The following HYDIN variants were observed in gnomAD, a reference collection of about 807,000 sequenced individuals.
The protein encoded by HYDIN is HYDIN axonemal central pair apparatus protein.
Under a neutral mutation model 403.9 loss-of-function variants are expected in HYDIN, and 132 were observed. That is an observed-to-expected ratio of 0.33 (90% CI 0.28 to 0.38). HYDIN has a LOEUF of 0.38. Ranked by LOEUF, HYDIN falls within the 10% of genes least tolerant of loss-of-function variation. HYDIN has a pLI of 1.00. For missense variants in HYDIN, 2,827 were observed against 5,009.5 expected (o/e 0.56, Z 13.15); for synonymous variants, 1,202 against 1,891.7 (o/e 0.64, Z 9.46).
intron 10 of HYDIN, among the ~76,000 whole-genome samples, chr16:71,100,559 G>C (rs575302336): frequency 6.6e-6 from 1 of 152,174 alleles, no homozygotes; most frequent in African/African-American, 2.4e-5. Context: ...AATGACAAAG[G>C]AAACAGAAGA....
chr16:70,950,440 T>A (rs1328484101), intron 41 of HYDIN, among the ~76,000 whole-genome samples: 1 of 151,798 alleles, frequency 6.6e-6, no homozygotes, highest in Non-Finnish European at 1.5e-5. Flanking sequence ...TTATTTTTAG[T>A]AGAGACGGGG....
chr16:71,021,014 T>G (rs2080468778), intron 21 of HYDIN, among the ~76,000 whole-genome samples: 1 of 150,944 alleles, frequency 6.6e-6, no homozygotes, highest in African/African-American at 2.4e-5. Context: ...AGTTATATCT[T>G]ATGCATAAAT....
intron 14 of HYDIN, among the ~76,000 whole-genome samples, chr16:71,067,654 C>T (rs2144296453): frequency 6.6e-6 from 1 of 152,064 alleles, no homozygotes; most frequent in Admixed American, 6.6e-5. Context: ...AGCCACATAC[C>T]TGCATAAGGG....
At chr16:71,206,088 C>G (rs2088284006) in intron 1 of HYDIN, among the ~76,000 whole-genome samples, 2 of 152,196 alleles carry the variant, frequency 1.3e-5, no homozygotes, top group South Asian at 4.1e-4. Context: ...ACCCCAAAGG[C>G]CCATAGCCAG....
intron 18 of HYDIN, among the ~76,000 whole-genome samples, chr16:71,053,745 G>A (rs2144242186): frequency 6.7e-6 from 1 of 149,438 alleles, no homozygotes; most frequent in South Asian, 2.1e-4. Flanking sequence ...CTGGCAAGGA[G>A]AATCTATGGA....
At chr16:71,068,409 T>A (rs999760797) in intron 14 of HYDIN, among the ~76,000 whole-genome samples, 2 of 152,064 alleles carry the variant, frequency 1.3e-5, no homozygotes, top group Non-Finnish European at 2.9e-5. Context: ...CTTTTCTAAA[T>A]ATAAAGGAAA....
At chr16:70,810,111 T>A (rs575178799) in intron 84 of HYDIN, 104 bp from the exon 85 acceptor site, 2 of 1,023,302 alleles carry the variant, frequency 2.0e-6, no homozygotes, top group Admixed American at 3.6e-5. Context: ...GCAGAAATAG[T>A]GCACATGATC....
chr16:71,223,735 T>C (rs778271698), intron 1 of HYDIN, among the ~76,000 whole-genome samples: 5 of 152,008 alleles, frequency 3.3e-5, no homozygotes, highest in Non-Finnish European at 5.9e-5. Context: ...AAAATGCTCA[T>C]CAGTAGTTGT....
intron 75 of HYDIN, among the ~76,000 whole-genome samples, chr16:70,844,231 G>T (rs898142474): frequency 7.5e-6 from 1 of 132,660 alleles, no homozygotes; most frequent in South Asian, 2.2e-4. Flanking sequence ...TAAGGTGTAA[G>T]GAAAGGATCC....
intron 1 of HYDIN, among the ~76,000 whole-genome samples, chr16:71,220,042 C>T (rs1406948432): frequency 6.6e-6 from 1 of 152,114 alleles, no homozygotes; most frequent in African/African-American, 2.4e-5. Flanking sequence ...CCAGGTCCTA[C>T]TGGAAATCTG....
chr16:71,212,313 T>C (rs1373766950), intron 1 of HYDIN, among the ~76,000 whole-genome samples: 2 of 152,194 alleles, frequency 1.3e-5, no homozygotes, highest in Non-Finnish European at 2.9e-5. Flanking sequence ...GATATCTCCC[T>C]TACCTAAGTC....
intron 21 of HYDIN, 38 bp from the exon 22 acceptor site, chr16:71,020,355 G>A: frequency 6.3e-7 from 1 of 1,594,822 alleles, no homozygotes; most frequent in Non-Finnish European, 8.5e-7. Flanking sequence ...ATCAACTTAT[G>A]GTAAATACAG....
chr16:70,822,706 C>T (rs187302369), intron 83 of HYDIN, among the ~76,000 whole-genome samples: 6 of 152,176 alleles, frequency 3.9e-5, no homozygotes, highest in Non-Finnish European at 8.8e-5. Context: ...GTAACCACCA[C>T]CCTCATCAGT....
At chr16:70,906,204 C>T (rs1484102627) in intron 50 of HYDIN, among the ~76,000 whole-genome samples, 1 of 152,096 alleles carries the variant, frequency 6.6e-6, no homozygotes, top group African/African-American at 2.4e-5. Flanking sequence ...CCTGTGGGTC[C>T]CCAATTCTGC....
intron 8 of HYDIN, among the ~76,000 whole-genome samples, chr16:71,136,777 A>G (rs1277865426): frequency 6.7e-6 from 1 of 150,284 alleles, no homozygotes; most frequent in Non-Finnish European, 1.5e-5. Context: ...AAAAAAAAAA[A>G]AAACAAAAAA....
intron 23 of HYDIN, among the ~76,000 whole-genome samples, chr16:70,996,581 T>C (rs1433502366): frequency 2.0e-5 from 3 of 152,124 alleles, no homozygotes; most frequent in Non-Finnish European, 4.4e-5. Context: ...ATGAGCCCCA[T>C]GGTGCCAGGG....
At chr16:71,196,305 G>C (rs1025318901) in intron 1 of HYDIN, among the ~76,000 whole-genome samples, 2 of 152,188 alleles carry the variant, frequency 1.3e-5, no homozygotes, top group Non-Finnish European at 2.9e-5. Context: ...GCTGTGTAAA[G>C]TTCATTGCCA....
At chr16:71,133,127 T>C (rs1378187435) in intron 8 of HYDIN, 1 of 417,186 alleles carries the variant, frequency 2.4e-6, no homozygotes, top group Non-Finnish European at 4.7e-6. Flanking sequence ...TAGTCCCTCA[T>C]CTTCAGGTAC....
intron 38 of HYDIN, among the ~76,000 whole-genome samples, chr16:70,961,451 G>T (rs1356666469): frequency 6.6e-6 from 1 of 152,156 alleles, no homozygotes; most frequent in Non-Finnish European, 1.5e-5. Flanking sequence ...GCCTTATCAT[G>T]GTTTATAATG....
Sources: allele counts gnomAD v4.1 joint callset (sites outside exome capture counted in the v4.1 genomes callset), GRCh38; gene constraint gnomAD v4.1.1; transcripts MANE v1.5; gene names NCBI Gene and HGNC (gene_info 2026-07-23, HGNC 2026-07-21).